C6orf141: variants seen among roughly 807,000 people sequenced by gnomAD.
C6orf141 encodes uncharacterized protein C6orf141.
For synonymous variants in C6orf141, 164 were observed against 140.5 expected, an observed-to-expected ratio of 1.17 and a Z score of -1.18; for missense variants, 361 against 335.8, an observed-to-expected ratio of 1.07 and a Z score of -0.59.
chr6:49,561,149 G>A (rs966031665), intron 4 of C6orf141, among the ~76,000 whole-genome samples: 2 of 150,578 alleles, frequency 1.3e-5, no homozygotes, highest in Admixed American at 6.6e-5. Context: ...CCAGGCTAGA[G>A]TTAAGTGGCA....
At position 49,550,923 on chromosome 6, in the gene C6orf141, C is replaced by T. The variant is rs771937302; in HGVS notation, c.131C>T (p.Pro44Leu). 64 of 1,541,436 alleles carry T rather than the reference C, an allele frequency of 4.2e-5. No individual in the cohort carries two copies. In the African/African-American group the frequency reaches 7.9e-4, roughly 19 times the overall value. The change falls in exon 1 of 1, where the codon CCG becomes CTG. Residue 44 changes from proline (P) to leucine (L), a missense_variant. Transcript: ENST00000529246. ...REVGRGAPLA[P>L]GARNPATAGA... ...GTAGGGCGCGGGGCTCCGCTAGCTC[C>T]GGGCGCCCGGAATCCCGCGACGGCA...
Position 49,551,291 on chromosome 6 carries a change from G to T in C6orf141, c.499G>T (p.Val167Leu). 6.4e-7 allele frequency: 1 copy of T among 1,551,712 alleles called. No homozygotes were observed. Among genetic ancestry groups the T allele is most frequent in the South Asian group, 1.2e-5 (1 of 84,060 alleles). The change falls in exon 1 of 1, where the codon GTA becomes TTA. Residue 167 changes from valine to leucine, a missense_variant. Transcript: ENST00000529246. The stretch of plus-strand genomic sequence containing the variant: ...GCTTGTGCGGGTGGAGGATTATCAG[G>T]TAACACAAGAAGTGTTGCAGACCTC... ...YVLVRVEDYQ[V>L]TQEVLQTSWA...
In C6orf141 at chr6:49,551,006, G is replaced by A. The variant is rs1053842483; in HGVS notation, c.214G>A (p.Gly72Arg). ...GGACAGAACGGCAGATCGGGCCCTC[G>A]GACCTCGGGCCGGGGAGGAATTGGA... ...HEDRTADRAL[G>R]PRAGEELDRE... is the part of the protein sequence containing the mutation. The change falls in exon 1 of 1, where the codon GGA becomes AGA. Residue 72 changes from glycine (G) to arginine (R), a missense_variant. Physicochemically the swap from Gly to Arg is moderately radical, Grantham distance 125. Transcript: ENST00000529246. 3 of 1,551,336 alleles carry A rather than the reference G, an allele frequency of 1.9e-6. No individual in the cohort carries two copies. Among genetic ancestry groups the A allele is most frequent in the East Asian group, 2.4e-5 (1 of 40,866 alleles).
chr6:49,554,676 C>A (rs754024129), downstream of C6orf141, among the ~76,000 whole-genome samples: 27 of 152,152 alleles, frequency 1.8e-4, no homozygotes, highest in Admixed American at 4.6e-4. Context: ...GCCACCATGC[C>A]CGGCCTGTTT....
chr6:49,558,450 T>C (rs1268329949), intron 4 of C6orf141, among the ~76,000 whole-genome samples: 2 of 150,610 alleles, frequency 1.3e-5, no homozygotes, highest in African/African-American at 2.4e-5. Flanking sequence ...TGGCAGTCAC[T>C]GACCAAGTCC....
rs1561996228 is a variant in C6orf141 at position 49,558,067 on chromosome 6, T to TC, written c.*763+2910_*763+2911insC. 1.2e-4 allele frequency among the ~76,000 whole-genome samples: 16 copies of TC among 135,428 alleles called. No homozygotes were observed. The East Asian group carries it at 2.5e-3, about 21-fold the overall frequency. The allele number at this position is 135,428 out of a possible 152,430, so 88.8% of individuals were successfully genotyped here. ...CCGTTACACTCAAATATGTTTTTTT[T>TC]TTTTTTTTTTTTTTTTAGTAGAGAC... On this transcript the variant is annotated intron_variant and NMD_transcript_variant, in intron 4 of 4. Transcript: ENST00000371194.
At chr6:49,553,845 A>G (rs1771199058), downstream of C6orf141, among the ~76,000 whole-genome samples, 2 of 152,048 alleles carry the variant, frequency 1.3e-5, no homozygotes, top group Non-Finnish European at 2.9e-5. Context: ...CATACAATAA[A>G]TCCTCAAAGT....
At chr6:49,554,181 C>G (rs1364203984), downstream of C6orf141, among the ~76,000 whole-genome samples, 1 of 152,154 alleles carries the variant, frequency 6.6e-6, no homozygotes, top group Non-Finnish European at 1.5e-5. Context: ...AGTTTACATA[C>G]CTCCTAGTTC....
chr6:49,552,902 G>C (rs898660727), downstream of C6orf141: 1 of 152,190 alleles, frequency 6.6e-6, no homozygotes, highest in Admixed American at 6.5e-5. Context: ...AAAGATGCCT[G>C]AGGATATCCT....
At chr6:49,553,814 A>G (rs1391996847), downstream of C6orf141, among the ~76,000 whole-genome samples, 1 of 152,000 alleles carries the variant, frequency 6.6e-6, no homozygotes, top group African/African-American at 2.4e-5. Context: ...GTTAAATGAA[A>G]ATACTTAGAA....
Position 49,550,775 on chromosome 6 carries a change from C to T in C6orf141, c.-18C>T, listed in dbSNP as rs1488514255. On this transcript the variant is annotated 5_prime_UTR_variant, in exon 1 of 1. Coordinates refer to ENST00000529246, the MANE Select transcript of C6orf141 (RefSeq NM_001145652.2). ...CTCAGCAGGCGCTTGCTGCTTGAAC[C>T]GGTCAAAGAAGGAACGAATGAATGA... is the stretch of plus-strand genomic sequence containing the variant. 13 of 1,444,824 alleles carry T rather than the reference C, an allele frequency of 9.0e-6. No homozygotes were observed. In the East Asian group the frequency reaches 1.3e-4, roughly 14 times the overall value. 89.5% of individuals were successfully genotyped at this position (1,444,824 alleles called of 1,614,324 possible).
Position 49,551,219 on chromosome 6 carries a change from A to T in C6orf141, c.427A>T (p.Arg143Trp). The change falls in exon 1 of 1, where the codon AGG (arginine) becomes TGG (tryptophan). Residue 143 changes from arginine (R) to tryptophan (W), a missense_variant. Physicochemically the swap from Arg to Trp is moderately radical, Grantham distance 101. Coordinates refer to ENST00000529246, the MANE Select transcript of C6orf141 (RefSeq NM_001145652.2). Reference sequence around the variant, plus strand: ...TCAACGACAAAAGCGAATTTCTGGCAGGCGTGTAGCCCCGCCGCGGGACGC... The same window carrying T: ...TCAACGACAAAAGCGAATTTCTGGCTGGCGTGTAGCCCCGCCGCGGGACGC... ...VFQRQKRISG[R>W]RVAPPRDAAD... is the part of the protein sequence containing the mutation. The T allele has an allele frequency of 6.4e-7, 1 of 1,551,592 alleles. No homozygotes were observed. Among genetic ancestry groups the T allele is most frequent in the Non-Finnish European group, 8.7e-7 (1 of 1,146,926 alleles).
In C6orf141 at chr6:49,551,692, C is replaced by T. The variant is rs929634663; in HGVS notation, c.*165C>T. 2.6e-5 allele frequency: 38 copies of T among 1,446,166 alleles called. No individual in the cohort carries two copies. Among genetic ancestry groups the T allele is most frequent in the Non-Finnish European group, 3.4e-5 (37 of 1,100,084 alleles). The allele number at this position is 1,446,166 out of a possible 1,614,324, so 89.6% of individuals were successfully genotyped here. A position where few individuals can be genotyped will look rare whatever the true frequency, so the allele number is the denominator to read the frequency against. On this transcript the variant is annotated 3_prime_UTR_variant, in exon 1 of 1. Transcript: ENST00000529246. ...TTAAGAACTGTAAGCAGCATAATAC[C>T]TCCTTTGTGGCTTGAATTCCTTCGC...
chr6:49,558,059 G>GTTTTTTTTTTGTTTGTTTGTTTTTTTT (rs1772344555), intron 4 of C6orf141, among the ~76,000 whole-genome samples: 4 of 97,800 alleles, frequency 4.1e-5, no homozygotes, highest in African/African-American at 1.6e-4. Flanking sequence ...ACTCAAATAT[G>GTTTTTTTTTTGTTTGTTTGTTTTTTTT]TTTTTTTTTT....
chr6:49,556,381 A>G (rs1032197377), downstream of C6orf141, among the ~76,000 whole-genome samples: 2 of 152,242 alleles, frequency 1.3e-5, no homozygotes, highest in Admixed American at 6.5e-5. Flanking sequence ...GAGGATATGA[A>G]TGGGTAAATT....
chr6:49,559,158 C>G (rs1772717670), intron 4 of C6orf141, among the ~76,000 whole-genome samples: 1 of 95,466 alleles, frequency 1.0e-5, no homozygotes, highest in African/African-American at 4.1e-5. Flanking sequence ...ATGATCTGGT[C>G]ATTGTCCATA....
At chr6:49,554,466 C>T (rs12665597), downstream of C6orf141, among the ~76,000 whole-genome samples, 28 of 152,264 alleles carry the variant, frequency 1.8e-4, no homozygotes, top group East Asian at 4.6e-3. Flanking sequence ...CTCCAAGCTC[C>T]GCCTCCCATG....
chr6:49,558,760 T>TGCA (rs1772605012), intron 4 of C6orf141, among the ~76,000 whole-genome samples: 1 of 151,908 alleles, frequency 6.6e-6, no homozygotes, highest in African/African-American at 2.4e-5. Context: ...CAGGCTGGAG[T>TGCA]GCAGTGGCAC....
At chr6:49,561,347 C>A (rs1386885271) in intron 4 of C6orf141, among the ~76,000 whole-genome samples, 2 of 152,176 alleles carry the variant, frequency 1.3e-5, no homozygotes, top group Non-Finnish European at 2.9e-5. Context: ...GATCCCCCTG[C>A]CTTGGCCTCC....
Sources: gnomAD v4.1 joint callset for allele counts (sites outside exome capture counted in the v4.1 genomes callset) on GRCh38, gnomAD v4.1.1 for gene constraint, MANE v1.5 for transcripts, NCBI Gene and HGNC (gene_info 2026-07-23, HGNC 2026-07-21) for gene names.